The following KDM4C variants were observed in gnomAD, a reference collection of about 807,000 sequenced individuals.
The protein encoded by KDM4C is lysine demethylase 4C.
In KDM4C, 81 loss-of-function variants were observed where a neutral mutation model predicts 129.3. The ratio of observed to expected loss-of-function variants is 0.63; its 90% CI spans 0.52 to 0.75. The LOEUF is 0.75. Ranked by LOEUF, KDM4C falls within the 30% of genes least tolerant of loss-of-function variation. The pLI is 0.00. For missense variants in KDM4C, 1,457 were observed against 1,304.0 expected, an observed-to-expected ratio of 1.12 and a Z score of -1.81; for synonymous variants, 573 against 456.1, an observed-to-expected ratio of 1.26 and a Z score of -3.26.
rs140064143 is a variant in KDM4C at position 6,772,518 on chromosome 9, C to T, written c.-18+14315C>T. On this transcript the variant is annotated intron_variant, in intron 1 of 21. Coordinates refer to ENST00000381309, the MANE Select transcript of KDM4C (RefSeq NM_015061.6). ...GTGGGATTACAGGCATGCACCACCACGCCTGGTTAATTTTGTATTTTTAGT... is the reference window on the plus strand; with the variant it reads ...GTGGGATTACAGGCATGCACCACCATGCCTGGTTAATTTTGTATTTTTAGT... 3.8e-3 allele frequency among the ~76,000 whole-genome samples: 579 copies of T among 152,218 alleles called. 5 individuals carry two copies. Among genetic ancestry groups the T allele is most frequent in the African/African-American group, 0.013 (539 of 41,548 alleles).
At chr9:7,032,435 T>G (rs750959355) in intron 15 of KDM4C, among the ~76,000 whole-genome samples, 19 of 152,234 alleles carry the variant, frequency 1.2e-4, no homozygotes, top group Non-Finnish European at 2.5e-4. Flanking sequence ...TACCAAGCAT[T>G]TGTCTCTTGG....
intron 8 of KDM4C, among the ~76,000 whole-genome samples, chr9:6,902,173 G>A (rs1430939054): frequency 6.6e-6 from 1 of 152,124 alleles, no homozygotes; most frequent in South Asian, 2.1e-4. Flanking sequence ...TTGGAGATGT[G>A]TAATGTTTTG....
chr9:6,835,384 A>G (rs1364036829), intron 4 of KDM4C: 4 of 1,110,844 alleles, frequency 3.6e-6, no homozygotes, highest in Admixed American at 3.4e-5. Context: ...CGTTGCCAAC[A>G]GGATGCAGAA....
intron 17 of KDM4C, among the ~76,000 whole-genome samples, chr9:7,101,560 A>C (rs760280405): frequency 4.6e-5 from 7 of 152,152 alleles, no homozygotes; most frequent in Non-Finnish European, 8.8e-5. Flanking sequence ...TCCTAAGGAA[A>C]CTGTGATTCT....
intron 6 of KDM4C, among the ~76,000 whole-genome samples, chr9:6,886,748 TCCCAAAGTG>T (rs961733152): frequency 5.9e-5 from 9 of 152,256 alleles, no homozygotes; most frequent in African/African-American, 2.2e-4. Flanking sequence ...CGCCTCAGCC[TCCCAAAGTG>T]TTGGGATTAC....
intron 8 of KDM4C, among the ~76,000 whole-genome samples, chr9:6,940,508 C>T (rs1408822005): frequency 6.6e-6 from 1 of 152,088 alleles, no homozygotes; most frequent in Non-Finnish European, 1.5e-5. Flanking sequence ...GATCTATATG[C>T]TAAAGGATTA....
At chr9:6,741,681 T>A (rs1817701970) in intron 1 of KDM4C, among the ~76,000 whole-genome samples, 1 of 150,482 alleles carries the variant, frequency 6.6e-6, no homozygotes, top group Admixed American at 6.6e-5. Context: ...CAGCTCTTTT[T>A]TTTTTTTTTT....
intron 8 of KDM4C, among the ~76,000 whole-genome samples, chr9:6,957,285 T>G (rs1829230925): frequency 6.6e-6 from 1 of 152,190 alleles, no homozygotes; most frequent in South Asian, 2.1e-4. Context: ...ACAAGTCCTT[T>G]TCTATGTTTC....
intron 17 of KDM4C, among the ~76,000 whole-genome samples, chr9:7,102,425 C>G (rs896274756): frequency 6.9e-6 from 1 of 144,230 alleles, no homozygotes; most frequent in African/African-American, 2.6e-5. Context: ...TAAAGAATCA[C>G]TCGGGCAGCT....
In KDM4C at chr9:6,769,004, C is replaced by T. The variant is rs56296367; in HGVS notation, c.-18+10801C>T. ...GCCAGGCTGGTCTCGAACTCCTGAC[C>T]TCAAATGATCCACCCACCTCAGCCT... On this transcript the variant is annotated intron_variant, in intron 1 of 21. Transcript: ENST00000381309. Among the ~76,000 whole-genome samples the T allele has an allele frequency of 7.4e-3, 1,131 of 152,212 alleles. 14 individuals carry two copies. The highest frequency in any genetic ancestry group is 0.026 in the African/African-American group (1,071 of 41,550).
intron 2 of KDM4C, among the ~76,000 whole-genome samples, chr9:6,798,430 T>C (rs1194951235): frequency 2.6e-5 from 4 of 151,986 alleles, no homozygotes; most frequent in East Asian, 1.9e-4. Flanking sequence ...GATTATGGAG[T>C]GGTGATGACT....
At chr9:6,770,338 T>G (rs1275030855) in intron 1 of KDM4C, among the ~76,000 whole-genome samples, 1 of 152,182 alleles carries the variant, frequency 6.6e-6, no homozygotes, top group Non-Finnish European at 1.5e-5. Flanking sequence ...GTTAAATATT[T>G]GAGACTTTGG....
chr9:7,134,696 A>T (rs1841007294), intron 19 of KDM4C, among the ~76,000 whole-genome samples: 1 of 152,228 alleles, frequency 6.6e-6, no homozygotes, highest in South Asian at 2.1e-4. Context: ...AGATAAGTAG[A>T]TAGACTTTGC....
At chr9:7,019,902 G>T (rs1824474736) in intron 15 of KDM4C, among the ~76,000 whole-genome samples, 1 of 151,548 alleles carries the variant, frequency 6.6e-6, no homozygotes, top group Non-Finnish European at 1.5e-5. Flanking sequence ...AGAAAGTGGA[G>T]GGTGTACGCA....
chr9:7,170,224 T>G (rs1844824954), intron 21 of KDM4C: 1 of 1,190,076 alleles, frequency 8.4e-7, no homozygotes, highest in Middle Eastern at 3.7e-4. Context: ...TTTGCAATCT[T>G]GTTAGTAGAA....
chr9:6,791,713 C>G (rs956336713), intron 1 of KDM4C, among the ~76,000 whole-genome samples: 1 of 152,160 alleles, frequency 6.6e-6, no homozygotes, highest in South Asian at 2.1e-4. Flanking sequence ...CTTTTGTAAA[C>G]TTGCAAGGTT....
chr9:6,964,127 A>G (rs1367693325), intron 8 of KDM4C, among the ~76,000 whole-genome samples: 1 of 152,156 alleles, frequency 6.6e-6, no homozygotes, highest in Non-Finnish European at 1.5e-5. Flanking sequence ...TCTAGGCTAC[A>G]TGTGCACAAC....
upstream of KDM4C, among the ~76,000 whole-genome samples, chr9:6,754,880 T>TAAAA (rs58382779): frequency 7.2e-5 from 6 of 83,354 alleles, no homozygotes; most frequent in African/African-American, 8.3e-5. Context: ...TGTCTCAAAG[T>TAAAA]AAAAAAAAAA....
At chr9:7,017,874 T>A (rs1306268948) in intron 15 of KDM4C, among the ~76,000 whole-genome samples, 2 of 152,236 alleles carry the variant, frequency 1.3e-5, no homozygotes, top group Non-Finnish European at 2.9e-5. Context: ...TCAGTAAGTC[T>A]GAGAGTGGTG....
Sources: allele counts gnomAD v4.1 joint callset (sites outside exome capture counted in the v4.1 genomes callset), GRCh38; gene constraint gnomAD v4.1.1; transcripts MANE v1.5; gene names NCBI Gene and HGNC (gene_info 2026-07-23, HGNC 2026-07-21).